The following STAU2 variants were observed in gnomAD, a reference collection of about 807,000 sequenced individuals.
STAU2 encodes staufen double-stranded RNA binding protein 2, also known as double-stranded RNA-binding protein Staufen homolog 2.
Under a neutral mutation model 65.9 loss-of-function variants are expected in STAU2, and 20 were observed. That is an observed-to-expected ratio of 0.30 (90% CI 0.21 to 0.44). The LOEUF (loss-of-function observed/expected upper bound fraction) is 0.44. STAU2 is among the 20% of genes least tolerant of loss of function. The probability of loss-of-function intolerance (pLI) is 1.00; values close to 1 mark genes in which losing one functional copy is unlikely to be tolerated. For synonymous variants in STAU2, 232 were observed against 233.9 expected, an observed-to-expected ratio of 0.99 and a Z score of 0.07; for missense variants, 558 against 683.9, an observed-to-expected ratio of 0.82 and a Z score of 2.05.
At chr8:73,648,521 C>T (rs999719660) in intron 6 of STAU2, among the ~76,000 whole-genome samples, 3 of 152,186 alleles carry the variant, frequency 2.0e-5, no homozygotes, top group Admixed American at 2.0e-4. Context: ...CAGTGTTCTA[C>T]ACACAGTAGA....
intron 8 of STAU2, among the ~76,000 whole-genome samples, chr8:73,615,016 A>G (rs1326173787): frequency 6.6e-6 from 1 of 152,190 alleles, no homozygotes; most frequent in African/African-American, 2.4e-5. Context: ...TAGTAGGTGA[A>G]TGTCATACAA....
chr8:73,670,907 G>A (rs1817624844), intron 6 of STAU2, among the ~76,000 whole-genome samples: 1 of 151,676 alleles, frequency 6.6e-6, no homozygotes, highest in African/African-American at 2.4e-5. Context: ...TAAAACTACA[G>A]GATATTAAAA....
At chr8:73,527,825 T>A (rs1805543560) in intron 13 of STAU2, 2 of 1,505,750 alleles carry the variant, frequency 1.3e-6, no homozygotes, top group Middle Eastern at 1.7e-4. Flanking sequence ...ACACACGCAA[T>A]CCACTGAACA....
intron 6 of STAU2, among the ~76,000 whole-genome samples, chr8:73,667,426 CG>C (rs1817319624): frequency 6.6e-6 from 1 of 152,134 alleles, no homozygotes; most frequent in African/African-American, 2.4e-5. Flanking sequence ...CCAGACTTAC[CG>C]AACTGTTTCT....
intron 3 of STAU2, among the ~76,000 whole-genome samples, chr8:73,714,212 G>C (rs1431833362): frequency 6.6e-6 from 1 of 151,986 alleles, no homozygotes; most frequent in Non-Finnish European, 1.5e-5. Flanking sequence ...CTTAAACACA[G>C]TTTCTATGTC....
At chr8:73,481,591 A>G (rs1161554640) in intron 13 of STAU2, among the ~76,000 whole-genome samples, 2 of 151,514 alleles carry the variant, frequency 1.3e-5, no homozygotes, top group African/African-American at 4.9e-5. Flanking sequence ...CTGCAACCCC[A>G]CATTTATATA....
chr8:73,449,077 G>T (rs1382425825), intron 13 of STAU2, among the ~76,000 whole-genome samples: 1 of 152,248 alleles, frequency 6.6e-6, no homozygotes, highest in Non-Finnish European at 1.5e-5. Context: ...CTGGGTGAGA[G>T]GCCTGGGCCA....
intron 13 of STAU2, among the ~76,000 whole-genome samples, chr8:73,530,484 G>T (rs573760203): frequency 1.3e-5 from 2 of 152,174 alleles, no homozygotes; most frequent in African/African-American, 4.8e-5. Flanking sequence ...GAGAAATACA[G>T]TATTTCCAGC....
At chr8:73,558,665 A>G (rs1807963039) in intron 12 of STAU2, among the ~76,000 whole-genome samples, 1 of 152,258 alleles carries the variant, frequency 6.6e-6, no homozygotes, top group African/African-American at 2.4e-5. Flanking sequence ...ATTAAAACAC[A>G]GCAAGCCAGG....
At chr8:73,432,463 A>T (rs1484753847) in intron 13 of STAU2, among the ~76,000 whole-genome samples, 3 of 152,192 alleles carry the variant, frequency 2.0e-5, no homozygotes, top group African/African-American at 7.2e-5. Flanking sequence ...TTATTGTCCA[A>T]AGTATGTCAA....
chr8:73,547,974 G>C (rs1269077524), intron 13 of STAU2, among the ~76,000 whole-genome samples: 1 of 147,998 alleles, frequency 6.8e-6, no homozygotes, highest in Non-Finnish European at 1.5e-5. Flanking sequence ...ATTATATTAG[G>C]TATTATAAGG....
At chr8:73,521,252 T>C (rs941709549) in intron 13 of STAU2, among the ~76,000 whole-genome samples, 1 of 152,190 alleles carries the variant, frequency 6.6e-6, no homozygotes, top group Non-Finnish European at 1.5e-5. Flanking sequence ...TGTAAATTGT[T>C]ACACTTCATG....
chr8:73,644,777 T>C (rs556017030), intron 6 of STAU2, among the ~76,000 whole-genome samples: 33 of 152,194 alleles, frequency 2.2e-4, no homozygotes, highest in African/African-American at 7.5e-4. Context: ...AGAGATCCTG[T>C]AGACATCAAA....
intron 13 of STAU2, among the ~76,000 whole-genome samples, chr8:73,517,719 T>C (rs1822818524): frequency 6.6e-6 from 1 of 152,114 alleles, no homozygotes; most frequent in African/African-American, 2.4e-5. Context: ...ATAGCTGTTA[T>C]TCATCATTTC....
At chr8:73,547,023 G>T (rs73326797) in intron 13 of STAU2, among the ~76,000 whole-genome samples, 14,947 of 152,126 alleles carry the variant, frequency 0.098, 1,160 homozygotes, top group East Asian at 0.44. Flanking sequence ...AACAGAAAAG[G>T]TTATCAGATA....
chr8:73,706,802 G>C (rs1160380524), intron 4 of STAU2, among the ~76,000 whole-genome samples: 1 of 152,154 alleles, frequency 6.6e-6, no homozygotes, highest in Admixed American at 6.6e-5. Context: ...AATAAGAAGA[G>C]ACCCACTGTC....
intron 13 of STAU2, chr8:73,551,556 T>C (rs914129589): frequency 1.0e-6 from 1 of 987,956 alleles, no homozygotes; most frequent in Admixed American, 6.1e-5. Flanking sequence ...GAATCAATAC[T>C]AGCAATAGAA....
intron 10 of STAU2, among the ~76,000 whole-genome samples, chr8:73,600,372 A>G (rs777218276): frequency 5.3e-5 from 8 of 152,112 alleles, no homozygotes; most frequent in Non-Finnish European, 7.4e-5. Flanking sequence ...ACTGGAAACC[A>G]CTATGTCGTG....
intron 11 of STAU2, among the ~76,000 whole-genome samples, chr8:73,591,902 A>C (rs1240724656): frequency 1.4e-5 from 2 of 139,132 alleles, no homozygotes; most frequent in Admixed American, 7.1e-5. Flanking sequence ...AAAAAAAAAA[A>C]AAAAAAAAAA....
Sources: allele counts gnomAD v4.1 joint callset (sites outside exome capture counted in the v4.1 genomes callset), GRCh38; gene constraint gnomAD v4.1.1; transcripts MANE v1.5; gene names NCBI Gene and HGNC (gene_info 2026-07-23, HGNC 2026-07-21).